The following DLGAP2 variants were observed in gnomAD, a reference collection of about 807,000 sequenced individuals.
DLGAP2 encodes the protein DLG associated protein 2, also known as disks large-associated protein 2.
A neutral mutation model predicts 100.3 loss-of-function variants in DLGAP2; 26 were observed. That is an observed-to-expected ratio of 0.26 (90% CI 0.19 to 0.36). The LOEUF (loss-of-function observed/expected upper bound fraction) is 0.36. Among genes scored for constraint, DLGAP2 ranks in the 10% least tolerant of loss-of-function variants. The pLI is 1.00. For synonymous variants in DLGAP2, 886 were observed against 630.1 expected (o/e 1.41, Z -6.08); for missense variants, 1,858 against 1,453.2 (o/e 1.28, Z -4.53).
chr8:1,609,075 A>G (rs1426537375), intron 6 of DLGAP2, among the ~76,000 whole-genome samples: 1 of 132,164 alleles, frequency 7.6e-6, no homozygotes, highest in Non-Finnish European at 1.7e-5. Flanking sequence ...AGCAACTCCA[A>G]GACACATAAT....
intron 2 of DLGAP2, among the ~76,000 whole-genome samples, chr8:1,018,038 T>C (rs1020724828): frequency 1.3e-4 from 20 of 152,200 alleles, no homozygotes; most frequent in Non-Finnish European, 2.8e-4. Context: ...CACTGACCCC[T>C]GCCCCTACAG....
At chr8:878,320 T>C (rs576484688) in intron 1 of DLGAP2, among the ~76,000 whole-genome samples, 1 of 152,298 alleles carries the variant, frequency 6.6e-6, no homozygotes, top group Non-Finnish European at 1.5e-5. Flanking sequence ...TGGGACCCTC[T>C]GAATGTAACG....
intron 1 of DLGAP2, among the ~76,000 whole-genome samples, chr8:863,215 T>C (rs747222502): frequency 1.3e-4 from 20 of 152,162 alleles, no homozygotes; most frequent in Non-Finnish European, 2.2e-4. Flanking sequence ...AGTGGCAGGA[T>C]TGGACTGGAA....
At chr8:960,237 C>CTTATTTTTTTTTTTTTTTTTTTTTTTT (rs1799692026) in intron 2 of DLGAP2, among the ~76,000 whole-genome samples, 1 of 44,640 alleles carries the variant, frequency 2.2e-5, no homozygotes, top group African/African-American at 8.8e-5. Flanking sequence ...TGAAGTATAT[C>CTTATTTTTTTTTTTTTTTTTTTTTTTT]TTTTTTTTTT....
chr8:1,640,174 G>A (rs954792447), intron 8 of DLGAP2, among the ~76,000 whole-genome samples: 1 of 152,184 alleles, frequency 6.6e-6, no homozygotes, highest in African/African-American at 2.4e-5. Context: ...TCTTCTAGGA[G>A]TATTACACAA....
chr8:1,434,759 G>A (rs1455372708), intron 3 of DLGAP2, among the ~76,000 whole-genome samples: 6 of 152,200 alleles, frequency 3.9e-5, no homozygotes, highest in Non-Finnish European at 7.3e-5. Flanking sequence ...ACAGGCTTGA[G>A]CCACTGTGCC....
intron 12 of DLGAP2, among the ~76,000 whole-genome samples, chr8:1,691,179 C>T (rs574718250): frequency 3.3e-5 from 5 of 152,334 alleles, no homozygotes; most frequent in Admixed American, 6.5e-5. Context: ...CTCGATGTTG[C>T]TTTCACTCAC....
chr8:1,434,596 G>C (rs184369692), intron 3 of DLGAP2, among the ~76,000 whole-genome samples: 132 of 152,166 alleles, frequency 8.7e-4, no homozygotes, highest in African/African-American at 3.0e-3. Context: ...CCCACTTCAA[G>C]TTCCCGAGTA....
intron 2 of DLGAP2, among the ~76,000 whole-genome samples, chr8:916,271 C>T (rs1203053366): frequency 6.6e-6 from 1 of 152,220 alleles, no homozygotes; most frequent in African/African-American, 2.4e-5. Flanking sequence ...AAGGTTGACA[C>T]CAATGCTGAT....
intron 1 of DLGAP2, among the ~76,000 whole-genome samples, chr8:891,781 G>C (rs555306125): frequency 6.6e-6 from 1 of 152,348 alleles, no homozygotes; most frequent in African/African-American, 2.4e-5. Flanking sequence ...GCCAGCCCAG[G>C]ACGGGGAGGG....
intron 2 of DLGAP2, among the ~76,000 whole-genome samples, chr8:1,184,395 C>T (rs754010687): frequency 6.6e-6 from 1 of 152,196 alleles, no homozygotes; most frequent in Non-Finnish European, 1.5e-5. Flanking sequence ...CTCATGTCTT[C>T]CTTTCTTCTC....
intron 2 of DLGAP2, among the ~76,000 whole-genome samples, chr8:1,100,818 A>G (rs1157288897): frequency 2.0e-5 from 3 of 152,192 alleles, no homozygotes; most frequent in African/African-American, 7.2e-5. Flanking sequence ...AAATAGACTA[A>G]CCTTGAAAAT....
At chr8:1,657,441 C>A (rs920774618) in intron 8 of DLGAP2, among the ~76,000 whole-genome samples, 8 of 152,218 alleles carry the variant, frequency 5.3e-5, no homozygotes, top group Non-Finnish European at 1.0e-4. Context: ...CCACACCATC[C>A]AACTGAATGG....
At chr8:1,241,655 G>A (rs1798799599) in intron 2 of DLGAP2, among the ~76,000 whole-genome samples, 1 of 152,068 alleles carries the variant, frequency 6.6e-6, no homozygotes, top group South Asian at 2.1e-4. Context: ...ATTTTAACCA[G>A]TGGAAATGAC....
chr8:1,511,056 T>A (rs1313450498), intron 4 of DLGAP2, among the ~76,000 whole-genome samples: 1 of 152,274 alleles, frequency 6.6e-6, no homozygotes, highest in African/African-American at 2.4e-5. Flanking sequence ...TAGTTCAGCT[T>A]GAAACCTTTC....
chr8:799,846 C>A (rs1278577440), intron 1 of DLGAP2, among the ~76,000 whole-genome samples: 1 of 152,198 alleles, frequency 6.6e-6, no homozygotes, highest in Non-Finnish European at 1.5e-5. Context: ...GTCCTCCTAC[C>A]TTGGCCTCTC....
intron 3 of DLGAP2, among the ~76,000 whole-genome samples, chr8:1,308,742 C>G (rs751173202): frequency 3.9e-5 from 6 of 152,228 alleles, no homozygotes; most frequent in Middle Eastern, 3.4e-3. Flanking sequence ...TCAGGCTGGT[C>G]TTGAACTCCC....
At chr8:1,457,734 C>A (rs574417351) in intron 3 of DLGAP2, among the ~76,000 whole-genome samples, 93 of 151,966 alleles carry the variant, frequency 6.1e-4, no homozygotes, top group African/African-American at 2.1e-3. Flanking sequence ...TATTGTAGCC[C>A]CACACACCTC....
intron 2 of DLGAP2, among the ~76,000 whole-genome samples, chr8:962,568 C>G (rs2129010372): frequency 6.6e-6 from 1 of 152,270 alleles, no homozygotes; most frequent in East Asian, 1.9e-4. Flanking sequence ...CTCCCAGAGA[C>G]TCCTTTTGAG....
Sources: gnomAD v4.1 joint callset for allele counts (sites outside exome capture counted in the v4.1 genomes callset) on GRCh38, gnomAD v4.1.1 for gene constraint, MANE v1.5 for transcripts, NCBI Gene and HGNC (gene_info 2026-07-23, HGNC 2026-07-21) for gene names.